Variants in RBFOX1 observed in about 807,000 individuals in gnomAD.
RBFOX1 encodes the protein RNA binding protein fox-1 homolog 1.
Under a neutral mutation model 57.7 loss-of-function variants are expected in RBFOX1, and 8 were observed. The observed-to-expected ratio is 0.14, with a 90% confidence interval of 0.08 to 0.25. The LOEUF (loss-of-function observed/expected upper bound fraction) is 0.25, where lower values mean the gene tolerates loss of function less well. Among genes scored for constraint, RBFOX1 ranks in the 10% least tolerant of loss-of-function variants. RBFOX1 has a pLI of 1.00. For missense variants in RBFOX1, 611 were observed against 548.5 expected (o/e 1.11, Z -1.14); for synonymous variants, 326 against 222.4 (o/e 1.47, Z -4.15).
intron 1 of RBFOX1, among the ~76,000 whole-genome samples, chr16:5,345,942 T>C (rs1387927598): frequency 1.3e-5 from 2 of 152,204 alleles, no homozygotes; most frequent in Non-Finnish European, 2.9e-5. Flanking sequence ...CTGCTAATTA[T>C]GCCCCTAGGA....
chr16:7,352,712 A>C (rs2097150165), intron 4 of RBFOX1, among the ~76,000 whole-genome samples: 1 of 152,002 alleles, frequency 6.6e-6, no homozygotes, highest in African/African-American at 2.4e-5. Flanking sequence ...ATTAATGAGC[A>C]AATTATTATT....
chr16:6,717,477 C>A (rs955599229), intron 3 of RBFOX1, among the ~76,000 whole-genome samples: 4 of 152,128 alleles, frequency 2.6e-5, no homozygotes, highest in African/African-American at 9.6e-5. Context: ...ACGTTAAACT[C>A]AAAAACTCCA....
At chr16:6,486,939 G>T (rs1448048469) in intron 2 of RBFOX1, among the ~76,000 whole-genome samples, 1 of 152,048 alleles carries the variant, frequency 6.6e-6, no homozygotes, top group Non-Finnish European at 1.5e-5. Flanking sequence ...GATCCCTGCT[G>T]AACCCCCTCT....
chr16:6,141,576 C>T (rs527920007), intron 1 of RBFOX1, among the ~76,000 whole-genome samples: 1 of 152,242 alleles, frequency 6.6e-6, no homozygotes, highest in South Asian at 2.1e-4. Context: ...CTGTCTTTCC[C>T]TGCTTGTCCA....
intron 2 of RBFOX1, among the ~76,000 whole-genome samples, chr16:5,491,267 A>G (rs2042818862): frequency 6.6e-6 from 1 of 152,104 alleles, no homozygotes; most frequent in African/African-American, 2.4e-5. Flanking sequence ...GAACTGGAAT[A>G]TTACCAGCCA....
At chr16:7,380,938 A>C (rs2097773054) in intron 4 of RBFOX1, among the ~76,000 whole-genome samples, 2 of 152,230 alleles carry the variant, frequency 1.3e-5, no homozygotes, top group Admixed American at 1.3e-4. Context: ...AAATGGAGAG[A>C]AAGAACAGTA....
At chr16:5,595,927 G>A (rs1055069769) in intron 2 of RBFOX1, among the ~76,000 whole-genome samples, 10 of 152,244 alleles carry the variant, frequency 6.6e-5, no homozygotes, top group African/African-American at 2.2e-4. Flanking sequence ...TGGCAGGAAG[G>A]GCAGAAAAAG....
intron 4 of RBFOX1, among the ~76,000 whole-genome samples, chr16:7,207,710 C>T: frequency 6.6e-6 from 1 of 152,302 alleles, no homozygotes. Context: ...GTGGAGCTAC[C>T]TAGGGTTCTC....
chr16:7,579,358 G>T (rs75822481), intron 5 of RBFOX1, among the ~76,000 whole-genome samples: 3 of 152,072 alleles, frequency 2.0e-5, no homozygotes, highest in South Asian at 2.1e-4. Context: ...AATACACACT[G>T]TCCTGCCTTT....
intron 4 of RBFOX1, among the ~76,000 whole-genome samples, chr16:7,092,335 T>C (rs1013242005): frequency 2.0e-5 from 3 of 152,182 alleles, no homozygotes; most frequent in African/African-American, 7.2e-5. Flanking sequence ...TTCAGATACA[T>C]TAAAATGTGA....
intron 3 of RBFOX1, among the ~76,000 whole-genome samples, chr16:5,621,401 G>T (rs7189790): frequency 6.6e-6 from 1 of 152,102 alleles, no homozygotes; most frequent in African/African-American, 2.4e-5. Flanking sequence ...ACCCAGTGTA[G>T]GCCGTCAAAA....
intron 14 of RBFOX1, among the ~76,000 whole-genome samples, chr16:7,702,002 C>G (rs1234525970): frequency 3.9e-5 from 6 of 152,164 alleles, no homozygotes; most frequent in Non-Finnish European, 8.8e-5. Context: ...GTGGTTGGCA[C>G]CTGTTGTCTC....
chr16:7,127,166 G>C (rs1455462017), intron 4 of RBFOX1, among the ~76,000 whole-genome samples: 1 of 152,050 alleles, frequency 6.6e-6, no homozygotes, highest in Non-Finnish European at 1.5e-5. Flanking sequence ...TATAATTTCA[G>C]AGAAAGAAAA....
chr16:6,233,615 T>G (rs2152910094), intron 1 of RBFOX1, among the ~76,000 whole-genome samples: 1 of 152,214 alleles, frequency 6.6e-6, no homozygotes, highest in South Asian at 2.1e-4. Flanking sequence ...GTCGCCTTGA[T>G]TTTTTATCAA....
chr16:6,628,751 A>G (rs1290916497), intron 2 of RBFOX1, among the ~76,000 whole-genome samples: 1 of 152,198 alleles, frequency 6.6e-6, no homozygotes, highest in African/African-American at 2.4e-5. Flanking sequence ...CACTTTTGTA[A>G]CACGAAGCTC....
intron 3 of RBFOX1, among the ~76,000 whole-genome samples, chr16:5,716,013 A>T (rs1220658633): frequency 1.3e-5 from 2 of 152,158 alleles, no homozygotes; most frequent in African/African-American, 4.8e-5. Context: ...AAAACTCATG[A>T]AGTGGGCAAG....
intron 2 of RBFOX1, among the ~76,000 whole-genome samples, chr16:6,651,953 A>G (rs2098599721): frequency 6.6e-6 from 1 of 152,224 alleles, no homozygotes; most frequent in South Asian, 2.1e-4. Flanking sequence ...GCTAAGTGAA[A>G]TAAGCCAGGC....
At chr16:6,461,815 C>T (rs753116004) in intron 2 of RBFOX1, among the ~76,000 whole-genome samples, 9 of 151,996 alleles carry the variant, frequency 5.9e-5, no homozygotes, top group Non-Finnish European at 1.3e-4. Flanking sequence ...GTAATATCAT[C>T]CAATAAAAGG....
chr16:7,578,940 CA>C (rs927729186), intron 5 of RBFOX1, among the ~76,000 whole-genome samples: 4 of 152,100 alleles, frequency 2.6e-5, no homozygotes, highest in African/African-American at 9.7e-5. Flanking sequence ...ATTTGGAAGA[CA>C]GGGGAGGTGA....
Sources: allele counts gnomAD v4.1 joint callset (sites outside exome capture counted in the v4.1 genomes callset), GRCh38; gene constraint gnomAD v4.1.1; transcripts MANE v1.5; gene names NCBI Gene and HGNC (gene_info 2026-07-23, HGNC 2026-07-21).